Variants in ZBTB8OS observed in about 807,000 individuals in gnomAD.
ZBTB8OS encodes tRNA-splicing ligase-activating factor archease.
Under a neutral mutation model 29.3 loss-of-function variants are expected in ZBTB8OS, and 16 were observed. That is an observed-to-expected ratio of 0.55 (90% CI 0.37 to 0.83). The LOEUF (loss-of-function observed/expected upper bound fraction) is 0.83. ZBTB8OS is among the 40% of genes least tolerant of loss of function. The pLI is 0.00. For synonymous variants in ZBTB8OS, 70 were observed against 64.6 expected (o/e 1.08, Z -0.40); for missense variants, 160 against 196.9 (o/e 0.81, Z 1.12).
intron 6 of ZBTB8OS, among the ~76,000 whole-genome samples, chr1:32,625,487 T>C (rs1224797419): frequency 6.6e-6 from 1 of 152,152 alleles, no homozygotes; most frequent in African/African-American, 2.4e-5. Context: ...TGAGCTGAGA[T>C]CGTGCCACTG....
Position 32,642,084 on chromosome 1 carries a change from G to A in ZBTB8OS, c.98-7292C>T, listed in dbSNP as rs149522043. Among the ~76,000 whole-genome samples the A allele has an allele frequency of 2.0e-3, 308 of 152,164 alleles. 2 individuals are homozygous for A. The highest frequency in any genetic ancestry group is 7.2e-3 in the African/African-American group (300 of 41,512). On this transcript the variant is annotated intron_variant, in intron 1 of 6. Coordinates refer to ENST00000468695, the MANE Select transcript of ZBTB8OS (RefSeq NM_178547.5). ...TACAAATCACAAATTCTCTTCAGAA[G>A]TATTTTATTTAACCCTATACATCGT...
At chr1:32,635,023 C>T (rs1223449413) in intron 1 of ZBTB8OS, among the ~76,000 whole-genome samples, 2 of 151,418 alleles carry the variant, frequency 1.3e-5, no homozygotes, top group East Asian at 3.9e-4. Flanking sequence ...CGCGCCACTG[C>T]ACTCCAGCCT....
At chr1:32,632,440 G>A (rs1226077982) in intron 4 of ZBTB8OS, 1 of 151,890 alleles carries the variant, frequency 6.6e-6, no homozygotes, top group East Asian at 1.9e-4. Context: ...TTTGAGACAA[G>A]GTTTCACTCT....
At chr1:32,650,347 G>C in intron 1 of ZBTB8OS, 86 bp downstream of exon 1, 1 of 1,556,344 alleles carries the variant, frequency 6.4e-7, no homozygotes, top group Non-Finnish European at 8.8e-7. Context: ...ATGGGGCACA[G>C]TAGAAAGAGC....
chr1:32,631,930 C>A, intron 4 of ZBTB8OS, 51 bp from the exon 5 acceptor site: 1 of 926,546 alleles, frequency 1.1e-6, no homozygotes, highest in Non-Finnish European at 1.5e-6. Context: ...AATAGACTAT[C>A]TACTAAAAAT....
At chr1:32,631,470 A>C (rs956041309) in intron 5 of ZBTB8OS, among the ~76,000 whole-genome samples, 1 of 152,206 alleles carries the variant, frequency 6.6e-6, no homozygotes, top group Non-Finnish European at 1.5e-5. Flanking sequence ...CAAACTCTGG[A>C]AGGAAAATAA....
rs568247802 is a variant in ZBTB8OS, at chr1:32,632,244, G to A, written c.328-365C>T. ...GACTGGTCTCGAACTCCTGACCTCA[G>A]GTGATCCACCTGCCTCGGCTTCCCA... On this transcript the variant is annotated intron_variant, in intron 4 of 6. Coordinates refer to ENST00000468695, the MANE Select transcript of ZBTB8OS (RefSeq NM_178547.5). The A allele has an allele frequency of 5.8e-5, 9 of 154,252 alleles. No homozygotes were observed. The South Asian group carries it at 1.6e-3, about 27-fold the overall frequency. 9.6% of individuals were successfully genotyped at this position (154,252 alleles called of 1,614,324 possible). A position where few individuals can be genotyped will look rare whatever the true frequency, so the allele number is the denominator to read the frequency against.
At chr1:32,626,028 G>A (rs917436029) in intron 6 of ZBTB8OS, among the ~76,000 whole-genome samples, 3 of 151,846 alleles carry the variant, frequency 2.0e-5, no homozygotes, top group African/African-American at 4.8e-5. Context: ...GCCCGCCACC[G>A]CACCCAGCTA....
chr1:32,637,497 G>C (rs1202852196), intron 1 of ZBTB8OS, among the ~76,000 whole-genome samples: 1 of 151,954 alleles, frequency 6.6e-6, no homozygotes, highest in Admixed American at 6.6e-5. Context: ...GAACCCTGGA[G>C]GCGGAGGTTG....
At chr1:32,647,280 A>G (rs1211633313) in intron 1 of ZBTB8OS, among the ~76,000 whole-genome samples, 1 of 82,286 alleles carries the variant, frequency 1.2e-5, no homozygotes, top group Non-Finnish European at 2.9e-5. Flanking sequence ...AAAAAAAAAA[A>G]AAAAAAATTA....
intron 6 of ZBTB8OS, among the ~76,000 whole-genome samples, chr1:32,625,874 C>CTT (rs756322138): frequency 7.0e-6 from 1 of 142,950 alleles, no homozygotes. Context: ...AATGCTGTTT[C>CTT]TTTTTTTTTT....
intron 1 of ZBTB8OS, among the ~76,000 whole-genome samples, chr1:32,646,396 A>T (rs1309578259): frequency 4.7e-5 from 7 of 148,440 alleles, no homozygotes; most frequent in East Asian, 2.0e-4. Context: ...TTTTATTATT[A>T]TTTTTTTTTG....
rs758800199 is a variant in ZBTB8OS at position 32,650,503 on chromosome 1, T to C, written c.27A>G (p.Arg9=). 1.2e-6 allele frequency: 2 copies of C among 1,614,172 alleles called. No individual in the cohort carries two copies. Among genetic ancestry groups the C allele is most frequent in the Admixed American group, 3.3e-5 (2 of 60,012 alleles). Residue 9 remains arginine, a synonymous_variant, in exon 1 of 7, where the codon AGA becomes AGG. Transcript: ENST00000468695. ...TCTGTTCTTCAGTCAAATTGTAATC[T>C]CTAACATCTTCCTCTTCCTGCGCCA... MAQEEEDV[R]DYNLTEEQKA...
At chr1:32,631,363 A>G (rs1022637678) in intron 5 of ZBTB8OS, among the ~76,000 whole-genome samples, 2 of 151,698 alleles carry the variant, frequency 1.3e-5, no homozygotes, top group African/African-American at 4.8e-5. Context: ...TCAAAAAAAA[A>G]AAAAAAGAAA....
chr1:32,633,797 T>C (rs1466708629), intron 3 of ZBTB8OS, 70 bp from the exon 4 acceptor site: 2 of 1,474,006 alleles, frequency 1.4e-6, no homozygotes, highest in African/African-American at 2.8e-5. Context: ...AAAAGTGCAA[T>C]AAATAAATGT....
At chr1:32,649,273 T>C (rs1291868421) in intron 1 of ZBTB8OS, among the ~76,000 whole-genome samples, 3 of 152,052 alleles carry the variant, frequency 2.0e-5, no homozygotes, top group Non-Finnish European at 2.9e-5. Flanking sequence ...CGGCCTATAA[T>C]ATTTTAAAAT....
At chr1:32,624,128 C>G (rs998801816) in intron 6 of ZBTB8OS, among the ~76,000 whole-genome samples, 1 of 152,204 alleles carries the variant, frequency 6.6e-6, no homozygotes, top group Non-Finnish European at 1.5e-5. Context: ...CCCAGCCATG[C>G]TGAACTATGA....
At chr1:32,631,786 T>TA in intron 5 of ZBTB8OS, 41 bp downstream of exon 5, 1 of 1,426,316 alleles carries the variant, frequency 7.0e-7, no homozygotes, top group South Asian at 1.2e-5. Context: ...CAATGAAGAA[T>TA]ATAACTTTAA....
At chr1:32,642,530 G>A (rs1646492566) in intron 1 of ZBTB8OS, among the ~76,000 whole-genome samples, 1 of 150,348 alleles carries the variant, frequency 6.7e-6, no homozygotes. Context: ...AAAAAGAAAT[G>A]GCCCGGCAAA....
Sources: gnomAD v4.1 joint callset for allele counts (sites outside exome capture counted in the v4.1 genomes callset) on GRCh38, gnomAD v4.1.1 for gene constraint, MANE v1.5 for transcripts, NCBI Gene and HGNC (gene_info 2026-07-23, HGNC 2026-07-21) for gene names.